The following CXADR variants were observed in gnomAD, a reference collection of about 807,000 sequenced individuals.
CXADR encodes coxsackievirus and adenovirus receptor.
A neutral mutation model predicts 40.3 loss-of-function variants in CXADR; 20 were observed. The ratio of observed to expected loss-of-function variants is 0.50; its 90% confidence interval spans 0.35 to 0.72. CXADR has a LOEUF of 0.72. Ranked by LOEUF, CXADR falls within the 30% of genes least tolerant of loss-of-function variation. The pLI is 0.01. For synonymous variants in CXADR, 150 were observed against 161.3 expected, an observed-to-expected ratio of 0.93 and a Z score of 0.53; for missense variants, 332 against 449.1, an observed-to-expected ratio of 0.74 and a Z score of 2.36.
intron 1 of CXADR, among the ~76,000 whole-genome samples, chr21:17,533,609 G>A (rs184004287): frequency 4.7e-4 from 71 of 152,128 alleles, no homozygotes; most frequent in Admixed American, 1.0e-3. Flanking sequence ...CCTTTTTCTT[G>A]GAGTTGTTAT....
At chr21:17,519,498 T>A (rs757864745) in intron 1 of CXADR, among the ~76,000 whole-genome samples, 8 of 152,328 alleles carry the variant, frequency 5.3e-5, no homozygotes, top group Middle Eastern at 3.4e-3. Flanking sequence ...CTCGTTCTAT[T>A]TTTTCTCCTG....
At chr21:17,623,465 C>T in the CXADR span, among the ~76,000 whole-genome samples, 11 of 151,962 alleles carry the variant, frequency 7.2e-5, no homozygotes, top group Non-Finnish European at 1.2e-4. Flanking sequence ...ACAATTAAGC[C>T]CCGAGGCAGC....
Position 17,547,094 on chromosome 21 carries a change from C to T in CXADR, c.111C>T (p.Ala37=), listed in dbSNP as rs753962216. ...TTGAAAAAGCCAAAGGGGAAACTGC[C>T]TATCTGCCATGCAAATTTACGCTTA... ...EMIEKAKGET[A]YLPCKFTLSP... The change falls in exon 2 of 7, where the codon GCC becomes GCT. Residue 37 remains alanine, a synonymous_variant. Transcript: ENST00000284878. 1.2e-5 allele frequency: 20 copies of T among 1,614,062 alleles called. No individual in the cohort carries two copies. The highest frequency in any genetic ancestry group is 1.6e-5 in the Non-Finnish European group (19 of 1,179,990).
the CXADR span, among the ~76,000 whole-genome samples, chr21:17,619,908 C>T: frequency 6.6e-6 from 1 of 152,018 alleles, no homozygotes; most frequent in Non-Finnish European, 1.5e-5. Context: ...CTGCAACTGC[C>T]TCACCTCTCT....
the CXADR span, among the ~76,000 whole-genome samples, chr21:17,624,284 C>T: frequency 6.6e-6 from 1 of 152,196 alleles, no homozygotes; most frequent in Non-Finnish European, 1.5e-5. Flanking sequence ...AATTGCCACA[C>T]ACTTAGCAGC....
intron 1 of CXADR, among the ~76,000 whole-genome samples, chr21:17,539,095 T>G (rs1386812620): frequency 6.6e-6 from 1 of 152,214 alleles, no homozygotes; most frequent in Non-Finnish European, 1.5e-5. Context: ...AGCTATTTCT[T>G]GCATCTGTGA....
At chr21:17,631,996 A>G in the CXADR span, among the ~76,000 whole-genome samples, 1 of 152,086 alleles carries the variant, frequency 6.6e-6, no homozygotes, top group Non-Finnish European at 1.5e-5. Context: ...TTTTTTGTAG[A>G]TACAGGATTT....
chr21:17,601,890 T>C, the CXADR span, among the ~76,000 whole-genome samples: 1 of 152,242 alleles, frequency 6.6e-6, no homozygotes, highest in African/African-American at 2.4e-5. Flanking sequence ...CAGATTTCTT[T>C]GACACCTAGT....
At chr21:17,585,910 C>A (rs1326269294) in intron 7 of CXADR, among the ~76,000 whole-genome samples, 1 of 152,152 alleles carries the variant, frequency 6.6e-6, no homozygotes, top group Admixed American at 6.5e-5. Context: ...TGACATAATT[C>A]ATTAAAATTC....
At chr21:17,634,839 C>A in the CXADR span, among the ~76,000 whole-genome samples, 1 of 152,226 alleles carries the variant, frequency 6.6e-6, no homozygotes, top group African/African-American at 2.4e-5. Flanking sequence ...CACTGCAACC[C>A]TGAACTCCTG....
chr21:17,545,776 T>TTG (rs1338247886), intron 1 of CXADR, among the ~76,000 whole-genome samples: 1 of 126,280 alleles, frequency 7.9e-6, no homozygotes, highest in Non-Finnish European at 1.8e-5. Flanking sequence ...TATTTGGTTT[T>TTG]TTTTGTTTTT....
At chr21:17,573,443 C>T (rs1415603431), downstream of CXADR, among the ~76,000 whole-genome samples, 1 of 152,150 alleles carries the variant, frequency 6.6e-6, no homozygotes, top group African/African-American at 2.4e-5. Context: ...AGAGGGTTCT[C>T]TGTTTAACTT....
At chr21:17,606,401 G>GT in the CXADR span, among the ~76,000 whole-genome samples, 1 of 152,082 alleles carries the variant, frequency 6.6e-6, no homozygotes, top group South Asian at 2.1e-4. Flanking sequence ...CAAAGGCAAA[G>GT]TGAGAAAAAT....
the CXADR span, chr21:17,613,562 A>G: frequency 6.6e-6 from 1 of 152,396 alleles, no homozygotes; most frequent in East Asian, 1.9e-4. Context: ...CTGCCCTGGC[A>G]CCGGCCACTG....
rs532541050 is a variant in CXADR, at chr21:17,577,612, C to CTTTTTTTTTTTTTTTTT, written c.1017+12013_1017+12029dup. ...CTCACACGTCAGACCATTCTGCAAG[C>CTTTTTTTTTTTTTTTTT]TTTTTTTTTTTTTTTTTTTTTTTTT... On this transcript the variant is annotated intron_variant, in intron 7 of 7. Coordinates refer to the CXADR transcript ENST00000400169. Among the ~76,000 whole-genome samples, 63 of 36,576 alleles carry CTTTTTTTTTTTTTTTTT rather than the reference C, an allele frequency of 1.7e-3. 10 individuals are homozygous for CTTTTTTTTTTTTTTTTT. Among genetic ancestry groups the CTTTTTTTTTTTTTTTTT allele is most frequent in the South Asian group, 5.7e-3 (3 of 530 alleles). The allele number at this position is 36,576 out of a possible 152,430, so 24.0% of individuals were successfully genotyped here. A position where few individuals can be genotyped will look rare whatever the true frequency, so the allele number is the denominator to read the frequency against.
rs935876124 is a variant in CXADR at position 17,568,214 on chromosome 21, C to T, written c.*2522C>T. 1.0e-4 allele frequency: 95 copies of T among 935,166 alleles called. No homozygotes were observed. Among genetic ancestry groups the T allele is most frequent in the South Asian group, 7.4e-4 (15 of 20,218 alleles). The allele number at this position is 935,166 out of a possible 1,614,324, so 57.9% of individuals were successfully genotyped here. ...CGGGATCTCGGCTCACTGCAAGCTC[C>T]GCCTCCCAGGTTCACGCCATTCTCC... On this transcript the variant is annotated 3_prime_UTR_variant, in exon 7 of 7. Transcript: ENST00000284878.
At chr21:17,541,073 A>G (rs1283578275) in intron 1 of CXADR, among the ~76,000 whole-genome samples, 2 of 151,994 alleles carry the variant, frequency 1.3e-5, no homozygotes, top group African/African-American at 2.4e-5. Flanking sequence ...TCGCTTGTCA[A>G]CACGCCCCCC....
intron 7 of CXADR, among the ~76,000 whole-genome samples, chr21:17,583,425 G>GT (rs2061374274): frequency 1.3e-5 from 2 of 152,226 alleles, no homozygotes; most frequent in South Asian, 4.1e-4. Flanking sequence ...AATGTCTATA[G>GT]TAGTCATAGG....
intron 3 of CXADR, among the ~76,000 whole-genome samples, chr21:17,555,598 A>G (rs60972157): frequency 0.058 from 8,753 of 152,148 alleles, 688 homozygotes; most frequent in African/African-American, 0.17. Flanking sequence ...CTAGGATTGC[A>G]TCTAGAATCC....
Sources: gnomAD v4.1 joint callset for allele counts (sites outside exome capture counted in the v4.1 genomes callset) on GRCh38, gnomAD v4.1.1 for gene constraint, MANE v1.5 for transcripts, NCBI Gene and HGNC (gene_info 2026-07-23, HGNC 2026-07-21) for gene names.